The following TCF3 variants were observed in gnomAD, a reference collection of about 807,000 sequenced individuals.
TCF3 encodes the protein transcription factor E2-alpha.
TCF3 carries 54 observed loss-of-function variants against 72.3 expected under a neutral mutation model. That is an observed-to-expected ratio of 0.75 (90% confidence interval 0.60 to 0.94). TCF3 has a LOEUF of 0.94. Ranked by LOEUF, TCF3 falls within the 40% of genes least tolerant of loss-of-function variation. The pLI is 0.00. For synonymous variants in TCF3, 525 were observed against 412.6 expected (o/e 1.27, Z -3.30); for missense variants, 1,078 against 934.4 (o/e 1.15, Z -2.00).
chr19:1,643,750 G>A (rs1196089399), intron 3 of TCF3, among the ~76,000 whole-genome samples: 1 of 152,184 alleles, frequency 6.6e-6, no homozygotes, highest in Non-Finnish European at 1.5e-5. Context: ...CCCTTCACAG[G>A]GGAAAACTTA....
At chr19:1,649,591 G>C (rs1393451571) in intron 2 of TCF3, among the ~76,000 whole-genome samples, 1 of 152,066 alleles carries the variant, frequency 6.6e-6, no homozygotes, top group Non-Finnish European at 1.5e-5. Context: ...TTTGAGTTTT[G>C]TTTTGTCTTT....
Position 1,615,148 on chromosome 19 carries a change from G to A in TCF3, c.1822+137C>T, listed in dbSNP as rs146406663. 18 of 1,045,626 alleles carry A rather than the reference G, an allele frequency of 1.7e-5. No individual in the cohort carries two copies. Among genetic ancestry groups the A allele is most frequent in the Non-Finnish European group, 2.3e-5 (17 of 740,994 alleles). The allele number at this position is 1,045,626 out of a possible 1,614,324, so 64.8% of individuals were successfully genotyped here. On this transcript the variant is annotated intron_variant, in intron 18 of 18. Transcript: ENST00000262965. The surrounding 1 kb of genome is among the most constrained non-coding windows in gnomAD (Gnocchi z 7.3). ...TGGCAATGCGGTCAGAGGGGTGAAG[G>A]GCACAGTCACTGCAAGGAGGCAACT...
chr19:1,626,086 T>C (rs924377540), intron 6 of TCF3, among the ~76,000 whole-genome samples: 1 of 152,198 alleles, frequency 6.6e-6, no homozygotes, highest in African/African-American at 2.4e-5. Flanking sequence ...TACATGTTAG[T>C]GTGAAACGGG....
rs2061968161 is a variant in TCF3 at position 1,619,813 on chromosome 19, T to C, written c.1134A>G (p.Leu378=). The change falls in exon 14 of 19, where the codon TTA becomes TTG. Residue 378 remains leucine (L), a synonymous_variant. Transcript: ENST00000262965. ...GGAGACCCCCGTCGTAGCTGGGCGATAAGGCACCGGGGGCTCCTGCTCGAG... is the reference window on the plus strand; with the variant it reads ...GGAGACCCCCGTCGTAGCTGGGCGACAAGGCACCGGGGGCTCCTGCTCGAG... ...QWPRAGAPGA[L]SPSYDGGLHG... is the part of the protein sequence containing the mutation. The C allele has an allele frequency of 3.2e-6, 5 of 1,573,220 alleles. No individual in the cohort carries two copies. Among genetic ancestry groups the C allele is most frequent in the African/African-American group, 1.4e-5 (1 of 73,812 alleles).
chr19:1,637,499 T>C (rs2145187595), intron 3 of TCF3, among the ~76,000 whole-genome samples: 1 of 152,288 alleles, frequency 6.6e-6, no homozygotes, highest in African/African-American at 2.4e-5. Context: ...CGCTTTGAAT[T>C]TCAGTGACCA....
intron 14 of TCF3, 116 bp downstream of exon 14, chr19:1,619,664 A>G (rs889332672): frequency 1.7e-5 from 22 of 1,298,660 alleles, no homozygotes; most frequent in East Asian, 5.1e-5. Flanking sequence ...CGAGGCCTCA[A>G]TAACAGCTTG....
chr19:1,631,993 C>A, intron 5 of TCF3, 45 bp downstream of exon 5: 1 of 1,598,976 alleles, frequency 6.3e-7, no homozygotes, highest in Middle Eastern at 1.7e-4. Flanking sequence ...CCCACGTCTG[C>A]ACATCTGTGC....
chr19:1,637,828 G>A (rs1056038396), intron 3 of TCF3, among the ~76,000 whole-genome samples: 8 of 152,024 alleles, frequency 5.3e-5, no homozygotes, highest in African/African-American at 9.7e-5. Flanking sequence ...AGAATGGCGC[G>A]AACCCGGGAG....
At chr19:1,613,611 G>A (rs1025960238) in intron 18 of TCF3, among the ~76,000 whole-genome samples, 1 of 152,136 alleles carries the variant, frequency 6.6e-6, no homozygotes, top group Non-Finnish European at 1.5e-5. Context: ...TGAAGACACG[G>A]GCTCAGCAGG....
intron 3 of TCF3, among the ~76,000 whole-genome samples, chr19:1,638,361 T>TTTTTG (rs1390445160): frequency 1.3e-5 from 2 of 152,168 alleles, no homozygotes. Flanking sequence ...ATACAATGTT[T>TTTTTG]TTTTGTTTTT....
chr19:1,644,256 C>G (rs557511783), intron 3 of TCF3, among the ~76,000 whole-genome samples: 1 of 152,342 alleles, frequency 6.6e-6, no homozygotes, highest in Non-Finnish European at 1.5e-5. Context: ...GAGGGCCACA[C>G]CTGGGGCCAG....
At position 1,638,366 on chromosome 19, in the gene TCF3, G is replaced by GT. The variant is rs199568159; in HGVS notation, c.146-5962dup. ...TTATGAACAGATACAATGTTTTTTT[G>GT]TTTTTTTTGTTTGTTTGTTTGAGAC... On this transcript the variant is annotated intron_variant, in intron 3 of 18. Coordinates refer to ENST00000262965, the MANE Select transcript of TCF3 (RefSeq NM_003200.5). 4.0e-3 allele frequency among the ~76,000 whole-genome samples: 613 copies of GT among 151,970 alleles called. 5 individuals are homozygous for GT. Among genetic ancestry groups the GT allele is most frequent in the African/African-American group, 0.014 (562 of 41,458 alleles).
In TCF3 at chr19:1,610,178, G is replaced by C; in HGVS notation, c.*1529C>G. The C allele has an allele frequency of 4.3e-6, 1 of 232,558 alleles. No homozygotes were observed. The highest frequency in any genetic ancestry group is 8.5e-6 in the Non-Finnish European group (1 of 117,666). The allele number at this position is 232,558 out of a possible 1,614,324, so 14.4% of individuals were successfully genotyped here. ...CCTGGGTGCTGGGACATGGGACACA[G>C]ATGGGCCCGAGGGGACACCCTGCTG... On this transcript the variant is annotated 3_prime_UTR_variant, in exon 19 of 19. Coordinates refer to ENST00000262965, the MANE Select transcript of TCF3 (RefSeq NM_003200.5).
chr19:1,645,413 C>G (rs2065936254), intron 3 of TCF3, among the ~76,000 whole-genome samples: 1 of 151,940 alleles, frequency 6.6e-6, no homozygotes. Context: ...TCAGACTAGA[C>G]CCTCTCTCCA....
intron 8 of TCF3, 54 bp downstream of exon 8, chr19:1,623,897 G>A: frequency 1.3e-6 from 2 of 1,574,996 alleles, no homozygotes; most frequent in South Asian, 1.1e-5. Flanking sequence ...AGGACACAGG[G>A]CCTGGCACTG....
rs75418372 is a variant in TCF3 at position 1,617,038 on chromosome 19, C to T, written c.1451-1217G>A. On this transcript the variant is annotated intron_variant, in intron 16 of 18. Transcript: ENST00000262965. ...ACATGGCTAGAAACACGTGGAAGTC[C>T]GCTTCAGCACATCAAGAGATTAAGG... Among the ~76,000 whole-genome samples the T allele has an allele frequency of 9.8e-3, 1,499 of 152,270 alleles. 27 individuals carry two copies. The highest frequency in any genetic ancestry group is 0.031 in the African/African-American group (1,290 of 41,544).
chr19:1,615,710 A>G lies in TCF3; in HGVS notation c.1562T>C (p.Leu521Pro), dbSNP rs1599485041. 1 of 1,613,210 alleles carries G rather than the reference A, an allele frequency of 6.2e-7. No individual in the cohort carries two copies. Among genetic ancestry groups the G allele is most frequent in the African/African-American group, 1.3e-5 (1 of 74,912 alleles). The change falls in exon 17 of 19, where the codon CTG becomes CCG. Residue 521 changes from leucine to proline, a missense_variant. Coordinates refer to ENST00000262965, the MANE Select transcript of TCF3 (RefSeq NM_003200.5). The surrounding 1 kb of genome is among the most constrained non-coding windows in gnomAD (Gnocchi z 7.3). Reference sequence around the variant, plus strand: ...CCTGGTCCGGGCCCGGGGGGCCTTCAGCTCCTTCTTCTCCTCCTCCGAGTG... The same window carrying G: ...CCTGGTCCGGGCCCGGGGGGCCTTCGGCTCCTTCTTCTCCTCCTCCGAGTG... The part of the protein sequence containing the change: ...ADHSEEEKKE[L>P]KAPRARTSPD...
intron 3 of TCF3, among the ~76,000 whole-genome samples, chr19:1,644,410 C>G (rs977486337): frequency 1.3e-5 from 2 of 152,160 alleles, no homozygotes; most frequent in Non-Finnish European, 2.9e-5. Flanking sequence ...GGTCACCCCT[C>G]TGTGTCCAGG....
At chr19:1,635,018 G>A (rs2064205086) in intron 3 of TCF3, among the ~76,000 whole-genome samples, 1 of 152,204 alleles carries the variant, frequency 6.6e-6, no homozygotes, top group African/African-American at 2.4e-5. Context: ...CTCTGCACAA[G>A]AAACCCAATC....
Sources: allele counts gnomAD v4.1 joint callset (sites outside exome capture counted in the v4.1 genomes callset), GRCh38; gene constraint gnomAD v4.1.1; non-coding constraint Gnocchi (gnomAD v3.1); transcripts MANE v1.5; gene names NCBI Gene and HGNC (gene_info 2026-07-23, HGNC 2026-07-21).